Variants in CSGALNACT1 observed in about 807,000 individuals in gnomAD.
The protein encoded by CSGALNACT1 is beta4GalNAcT-1.
CSGALNACT1 carries 52 observed loss-of-function variants against 51.0 expected under a neutral mutation model. The ratio of observed to expected loss-of-function variants is 1.02; its 90% CI spans 0.82 to 1.29. The LOEUF is 1.29. CSGALNACT1 is among the 50% of genes most tolerant of loss of function. The probability of loss-of-function intolerance (pLI) is 0.00; values close to 1 mark genes in which losing one functional copy is unlikely to be tolerated. For synonymous variants in CSGALNACT1, 341 were observed against 254.4 expected (o/e 1.34, Z -3.24); for missense variants, 935 against 679.2 (o/e 1.38, Z -4.19).
At chr8:19,437,853 C>G (rs1337750682) in intron 6 of CSGALNACT1, among the ~76,000 whole-genome samples, 1 of 152,168 alleles carries the variant, frequency 6.6e-6, no homozygotes, top group Admixed American at 6.6e-5. Context: ...ACCATCTCTA[C>G]CACTCAAATG....
At chr8:19,586,645 G>T (rs369824464) in intron 3 of CSGALNACT1, among the ~76,000 whole-genome samples, 1 of 152,092 alleles carries the variant, frequency 6.6e-6, no homozygotes, top group Non-Finnish European at 1.5e-5. Flanking sequence ...GCAATGAAGT[G>T]TAAGTCAGAC....
intron 1 of CSGALNACT1, among the ~76,000 whole-genome samples, chr8:19,709,773 T>A (rs1589634324): frequency 6.7e-6 from 1 of 149,768 alleles, no homozygotes; most frequent in Non-Finnish European, 1.5e-5. Context: ...GCATGGGGAG[T>A]TTTCCAAGTC....
intron 1 of CSGALNACT1, among the ~76,000 whole-genome samples, chr8:19,703,711 G>C (rs1430951942): frequency 6.6e-6 from 1 of 152,166 alleles, no homozygotes; most frequent in African/African-American, 2.4e-5. Flanking sequence ...ATCAATACAA[G>C]AAATCCTCTC....
At chr8:19,744,893 T>TTGTG (rs981305106) in intron 1 of CSGALNACT1, among the ~76,000 whole-genome samples, 38 of 152,332 alleles carry the variant, frequency 2.5e-4, no homozygotes, top group African/African-American at 9.1e-4. Flanking sequence ...CATTATAAAA[T>TTGTG]TGTGTAAACT....
intron 1 of CSGALNACT1, among the ~76,000 whole-genome samples, chr8:19,736,486 G>A (rs2063981728): frequency 6.6e-6 from 1 of 150,728 alleles, no homozygotes; most frequent in Non-Finnish European, 1.5e-5. Context: ...TCATGTGCTT[G>A]GGACTGAGAA....
At chr8:19,699,983 G>A (rs751191339) in intron 1 of CSGALNACT1, among the ~76,000 whole-genome samples, 20 of 151,768 alleles carry the variant, frequency 1.3e-4, no homozygotes, top group African/African-American at 3.4e-4. Context: ...ATGGTGGCGC[G>A]TGCCTGTAGT....
In CSGALNACT1 at chr8:19,513,434, C is replaced by CTATA. The variant is rs1353825526; in HGVS notation, c.-296-7305_-296-7304insTATA. Among the ~76,000 whole-genome samples the CTATA allele has an allele frequency of 3.0e-3, 197 of 66,538 alleles. 1 individual carries two copies. Among genetic ancestry groups the CTATA allele is most frequent in the Admixed American group, 6.1e-3 (33 of 5,392 alleles). The allele number at this position is 66,538 out of a possible 152,430, so 43.7% of individuals were successfully genotyped here. ...TCTCTCACTCTCTCTCTCTCTCTCT[C>CTATA]TCTATATATATATATATATATATAT... On this transcript the variant is annotated intron_variant, in intron 3 of 9. Transcript: ENST00000454498.
intron 1 of CSGALNACT1, among the ~76,000 whole-genome samples, chr8:19,632,591 C>T (rs1244006275): frequency 2.0e-5 from 3 of 152,214 alleles, no homozygotes; most frequent in Admixed American, 2.0e-4. Context: ...CAGCTATCTA[C>T]AGCGATCACT....
intron 6 of CSGALNACT1, among the ~76,000 whole-genome samples, chr8:19,437,243 G>C (rs1298338399): frequency 6.6e-6 from 1 of 152,104 alleles, no homozygotes; most frequent in African/African-American, 2.4e-5. Context: ...TGGGGGTTGA[G>C]GTTTGAATTA....
chr8:19,409,390 G>A lies in CSGALNACT1; in HGVS notation c.1228-696C>T, dbSNP rs528495741. On this transcript the variant is annotated intron_variant, in intron 8 of 9. Transcript: ENST00000454498. ...CCGTGGTGCCAGCCTGCAGGGCTGC[G>A]GAGAGGCCATCCAGACACTGCCCAG... Among the ~76,000 whole-genome samples, 15 of 152,220 alleles carry A rather than the reference G, an allele frequency of 9.9e-5. No individual in the cohort carries two copies. The South Asian group carries it at 1.5e-3, about 15-fold the overall frequency.
intron 1 of CSGALNACT1, among the ~76,000 whole-genome samples, chr8:19,628,100 C>T (rs758901406): frequency 2.6e-5 from 4 of 152,146 alleles, no homozygotes; most frequent in African/African-American, 9.7e-5. Context: ...GAGAACTTTA[C>T]ATACATCAAT....
chr8:19,696,329 G>A (rs1030554866), intron 1 of CSGALNACT1, among the ~76,000 whole-genome samples: 1 of 152,178 alleles, frequency 6.6e-6, no homozygotes, highest in African/African-American at 2.4e-5. Context: ...TTTAAGTCAT[G>A]CAAACAACTG....
intron 8 of CSGALNACT1, among the ~76,000 whole-genome samples, chr8:19,411,855 G>A (rs1403737881): frequency 2.7e-5 from 4 of 146,644 alleles, no homozygotes; most frequent in Non-Finnish European, 6.0e-5. Flanking sequence ...TTTTTTGACG[G>A]AGTCTTGCTG....
chr8:19,500,848 A>G (rs1205272845), intron 4 of CSGALNACT1, among the ~76,000 whole-genome samples: 1 of 152,204 alleles, frequency 6.6e-6, no homozygotes, highest in African/African-American at 2.4e-5. Flanking sequence ...TTTTCTCACA[A>G]TTACGGAGGC....
chr8:19,572,680 C>T (rs2043279904), intron 3 of CSGALNACT1, among the ~76,000 whole-genome samples: 1 of 152,176 alleles, frequency 6.6e-6, no homozygotes, highest in Non-Finnish European at 1.5e-5. Context: ...GATAATGTTG[C>T]AAGGCACGAT....
intron 5 of CSGALNACT1, among the ~76,000 whole-genome samples, chr8:19,455,974 G>T (rs543034179): frequency 3.3e-5 from 5 of 152,162 alleles, no homozygotes; most frequent in Admixed American, 6.5e-5. Context: ...CTACCTCCAC[G>T]AGCAAGGGAC....
intron 3 of CSGALNACT1, among the ~76,000 whole-genome samples, chr8:19,539,944 G>C (rs1037629479): frequency 4.6e-5 from 7 of 152,164 alleles, no homozygotes; most frequent in African/African-American, 1.2e-4. Context: ...GGGGTGAGTA[G>C]CTGGCTCCAT....
chr8:19,599,220 ATCTTT>A (rs1302596353), intron 2 of CSGALNACT1, among the ~76,000 whole-genome samples: 1 of 152,058 alleles, frequency 6.6e-6, no homozygotes, highest in Admixed American at 6.5e-5. Flanking sequence ...CCAACAGCAC[ATCTTT>A]TCTTTGATAG....
chr8:19,698,781 C>A (rs1428795772), intron 1 of CSGALNACT1, among the ~76,000 whole-genome samples: 3 of 151,900 alleles, frequency 2.0e-5, no homozygotes, highest in Non-Finnish European at 2.9e-5. Flanking sequence ...AAAAAAAAAT[C>A]ATTGATTTAC....
Sources: gnomAD v4.1 joint callset for allele counts (sites outside exome capture counted in the v4.1 genomes callset) on GRCh38, gnomAD v4.1.1 for gene constraint, MANE v1.5 for transcripts, NCBI Gene and HGNC (gene_info 2026-07-23, HGNC 2026-07-21) for gene names.